Variants in LOXHD1 observed in about 807,000 individuals in gnomAD.
The protein encoded by LOXHD1 is lipoxygenase homology PLAT domains 1, also known as lipoxygenase homology domain-containing protein 1.
Under a neutral mutation model 248.2 loss-of-function variants are expected in LOXHD1, and 205 were observed. The ratio of observed to expected loss-of-function variants is 0.83; its 90% CI spans 0.74 to 0.93. LOXHD1 has a LOEUF of 0.93. Ranked by LOEUF, LOXHD1 falls within the 40% of genes least tolerant of loss-of-function variation. LOXHD1 has a pLI of 0.00. For missense variants in LOXHD1, 2,930 were observed against 2,971.6 expected (o/e 0.99, Z 0.33); for synonymous variants, 1,113 against 1,162.8 (o/e 0.96, Z 0.87).
chr18:46,486,956 C>T (rs1215774505), intron 38 of LOXHD1, among the ~76,000 whole-genome samples: 11 of 152,176 alleles, frequency 7.2e-5, no homozygotes, highest in African/African-American at 1.9e-4. Flanking sequence ...CCACACGAAG[C>T]GGCTTGATAA....
chr18:46,577,918 C>T, intron 13 of LOXHD1, 51 bp from the exon 14 acceptor site: 2 of 1,541,840 alleles, frequency 1.3e-6, no homozygotes, highest in South Asian at 2.4e-5. Context: ...CCCCAGGACC[C>T]AAACACCAAG....
At position 46,477,618 on chromosome 18, in the gene LOXHD1, T is replaced by C. The variant is rs1352589327; in HGVS notation, c.6676A>G (p.Ser2226Gly). The C allele has an allele frequency of 1.3e-6, 2 of 1,551,794 alleles. No individual in the cohort carries two copies. Among genetic ancestry groups the C allele is most frequent in the Non-Finnish European group, 1.7e-6 (2 of 1,147,022 alleles). ...LRKVRLEHDS[S>G]GYCSGWLVEK... is the part of the protein sequence containing the mutation. The stretch of plus-strand genomic sequence containing the variant: ...ACCAGCCAGCCTGAGCAGTAGCCAC[T>C]GCTGTCGTGCTCCAGGCGCACCTTG... Residue 2226 changes from serine (S) to glycine (G), a missense_variant, in exon 41 of 41, where the codon AGT becomes GGT. Ser to Gly is a moderately conservative substitution (Grantham distance 56). Transcript: ENST00000642948.
intron 11 of LOXHD1, 92 bp downstream of exon 11, chr18:46,592,406 C>T: frequency 9.0e-7 from 1 of 1,112,308 alleles, no homozygotes; most frequent in Non-Finnish European, 1.3e-6. Context: ...ACAATAAATA[C>T]AGAGGCAAAT....
Position 46,518,239 on chromosome 18 carries a change from C to T in LOXHD1, c.5289G>A (p.Thr1763=), listed in dbSNP as rs727503138. The T allele has an allele frequency of 9.0e-6, 14 of 1,551,484 alleles. No individual in the cohort carries two copies. The highest frequency in any genetic ancestry group is 6.8e-5 in the African/African-American group (5 of 73,016). The change falls in exon 34 of 41, where the codon ACG becomes ACA. Residue 1763 remains threonine (T), a synonymous_variant. Coordinates refer to ENST00000642948, the MANE Select transcript of LOXHD1 (RefSeq NM_001384474.1). ...NIGVKVLYEM[T]VWTGDVVGGG... ...CGCCAACCACATCCCCTGTCCACAC[C>T]GTCATTTCATAGAGAACCTGCCATG...
chr18:46,592,226 T>A (rs965633366), intron 11 of LOXHD1, among the ~76,000 whole-genome samples, 158 bp from the exon 12 acceptor site: 7 of 152,080 alleles, frequency 4.6e-5, no homozygotes, highest in African/African-American at 1.7e-4. Flanking sequence ...TTGTTCCTGG[T>A]TTCCTGGATA....
chr18:46,595,155 G>A (rs2038238643), intron 8 of LOXHD1, among the ~76,000 whole-genome samples: 1 of 152,098 alleles, frequency 6.6e-6, no homozygotes, highest in Non-Finnish European at 1.5e-5. Flanking sequence ...TGTCTTACTG[G>A]GTATTTGTTG....
At chr18:46,528,902 C>T (rs2035939084) in intron 29 of LOXHD1, among the ~76,000 whole-genome samples, 1 of 152,142 alleles carries the variant, frequency 6.6e-6, no homozygotes, top group Non-Finnish European at 1.5e-5. Context: ...CAGCCCCATC[C>T]AGCCAACAAC....
chr18:46,507,517 T>C (rs1167839333), intron 36 of LOXHD1, 21 bp downstream of exon 36: 2 of 1,550,874 alleles, frequency 1.3e-6, no homozygotes, highest in African/African-American at 1.4e-5. Flanking sequence ...GAGCGGGAGG[T>C]GTGAGGGACC....
chr18:46,574,838 A>G (rs2037824540), intron 14 of LOXHD1, among the ~76,000 whole-genome samples: 1 of 152,164 alleles, frequency 6.6e-6, no homozygotes, highest in African/African-American at 2.4e-5. Flanking sequence ...GGTCAAAGTC[A>G]CACAGCAGGT....
intron 4 of LOXHD1, among the ~76,000 whole-genome samples, chr18:46,625,222 C>T (rs920793930): frequency 3.9e-5 from 6 of 152,340 alleles, no homozygotes; most frequent in Non-Finnish European, 5.9e-5. Context: ...CAAACCCACA[C>T]GGCCCCATTC....
At chr18:46,617,241 C>G (rs1334108039) in intron 5 of LOXHD1, among the ~76,000 whole-genome samples, 6 of 152,154 alleles carry the variant, frequency 3.9e-5, no homozygotes, top group Non-Finnish European at 8.8e-5. Context: ...ATTTAGAGCT[C>G]TTGCCAAGAA....
chr18:46,569,331 T>G, intron 16 of LOXHD1, 111 bp downstream of exon 16: 43 of 915,884 alleles, frequency 4.7e-5, no homozygotes, highest in Middle Eastern at 3.3e-4. Flanking sequence ...CTTATGTACA[T>G]GAGTGTGTGC....
intron 29 of LOXHD1, 113 bp from the exon 30 acceptor site, chr18:46,525,030 T>C (rs1228651066): frequency 1.6e-6 from 2 of 1,256,560 alleles, no homozygotes; most frequent in East Asian, 5.1e-5. Context: ...TGAACAGACC[T>C]TCTTTGCTGG....
intron 6 of LOXHD1, among the ~76,000 whole-genome samples, chr18:46,608,956 T>G (rs1446517296): frequency 6.6e-6 from 1 of 152,224 alleles, no homozygotes; most frequent in Non-Finnish European, 1.5e-5. Flanking sequence ...GAAAGCTAAC[T>G]GCCCAATTTC....
rs727503149 is a variant in LOXHD1 at position 46,601,206 on chromosome 18, G to A, written c.1134+11C>T. 1 of 1,547,842 alleles carries A rather than the reference G, an allele frequency of 6.5e-7. No individual in the cohort carries two copies. Among genetic ancestry groups the A allele is most frequent in the Non-Finnish European group, 8.7e-7 (1 of 1,144,058 alleles). ...GAATCAGGGAAGGCTGTCTCTGGGG[G>A]CATCCCTTACCTTCTCACAGAACCA... On this transcript the variant is annotated intron_variant, in intron 8 of 40. Transcript: ENST00000642948.
At chr18:46,557,568 C>T in intron 20 of LOXHD1, 79 bp from the exon 21 acceptor site, 2 of 1,519,580 alleles carry the variant, frequency 1.3e-6, no homozygotes, top group Non-Finnish European at 8.9e-7. Flanking sequence ...CTCCCAAGAA[C>T]CAGGGCAGCC....
chr18:46,579,492 C>A, intron 13 of LOXHD1, 138 bp downstream of exon 13: 1 of 1,180,840 alleles, frequency 8.5e-7, no homozygotes, highest in Non-Finnish European at 1.2e-6. Flanking sequence ...TCCCCGCCCC[C>A]TTACCCAGAG....
At chr18:46,596,991 T>C (rs1411082111) in intron 8 of LOXHD1, among the ~76,000 whole-genome samples, 1 of 152,080 alleles carries the variant, frequency 6.6e-6, no homozygotes, top group African/African-American at 2.4e-5. Context: ...AGAAATAAGG[T>C]CTTAGATGCA....
At chr18:46,497,920 G>A (rs1253446424) in intron 37 of LOXHD1, among the ~76,000 whole-genome samples, 3 of 152,172 alleles carry the variant, frequency 2.0e-5, no homozygotes, top group Non-Finnish European at 2.9e-5. Context: ...ATGCACAGTG[G>A]GAGTTAGGTC....
Sources: allele counts gnomAD v4.1 joint callset (sites outside exome capture counted in the v4.1 genomes callset), GRCh38; gene constraint gnomAD v4.1.1; transcripts MANE v1.5; gene names NCBI Gene and HGNC (gene_info 2026-07-23, HGNC 2026-07-21).